The following SPIN1 variants were observed in gnomAD, a reference collection of about 807,000 sequenced individuals.
SPIN1 encodes spindlin 1.
A neutral mutation model predicts 26.0 loss-of-function variants in SPIN1; 3 were observed. The ratio of observed to expected loss-of-function variants is 0.12; its 90% CI spans 0.05 to 0.30. The LOEUF is 0.30. Ranked by LOEUF, SPIN1 falls within the 10% of genes least tolerant of loss-of-function variation. SPIN1 has a pLI of 1.00. For missense variants in SPIN1, 126 were observed against 333.4 expected (o/e 0.38, Z 4.84); for synonymous variants, 101 against 116.5 (o/e 0.87, Z 0.86).
chr9:88,437,366 C>T (rs1828025019), intron 2 of SPIN1, among the ~76,000 whole-genome samples: 1 of 151,922 alleles, frequency 6.6e-6, no homozygotes, highest in African/African-American at 2.4e-5. Flanking sequence ...AGCGTGGTGG[C>T]TCACACCTGT....
intron 4 of SPIN1, among the ~76,000 whole-genome samples, chr9:88,465,246 A>G (rs182755410): frequency 3.9e-5 from 6 of 152,322 alleles, no homozygotes; most frequent in Non-Finnish European, 8.8e-5. Context: ...GGATATGCAG[A>G]TATTTCTTTG....
chr9:88,441,856 A>G (rs1418233328), intron 2 of SPIN1, among the ~76,000 whole-genome samples: 1 of 148,806 alleles, frequency 6.7e-6, no homozygotes, highest in South Asian at 2.1e-4. Flanking sequence ...TTACATATTT[A>G]TTATAATTGT....
intron 1 of SPIN1, among the ~76,000 whole-genome samples, chr9:88,418,097 C>T (rs1189071731): frequency 6.6e-6 from 1 of 152,154 alleles, no homozygotes; most frequent in Non-Finnish European, 1.5e-5. Context: ...AGTAAGCTGG[C>T]ATGATTGATT....
At chr9:88,446,917 A>C (rs115250805) in intron 2 of SPIN1, among the ~76,000 whole-genome samples, 202 of 152,028 alleles carry the variant, frequency 1.3e-3, no homozygotes, top group African/African-American at 4.8e-3. Flanking sequence ...TTTGTTTTTG[A>C]TCTTACTTTG....
chr9:88,411,207 G>C, intron 1 of SPIN1: 1 of 1,218,348 alleles, frequency 8.2e-7, no homozygotes, highest in South Asian at 1.2e-5. Flanking sequence ...GCTCTCTTTG[G>C]TTCCACAAGT....
chr9:88,440,721 C>T (rs557749244), intron 2 of SPIN1, among the ~76,000 whole-genome samples: 10 of 151,544 alleles, frequency 6.6e-5, no homozygotes, highest in Admixed American at 3.9e-4. Context: ...TGGGACTACA[C>T]GATGCACGCC....
At chr9:88,397,212 TTCTG>T (rs953901334) in intron 1 of SPIN1, among the ~76,000 whole-genome samples, 6 of 152,194 alleles carry the variant, frequency 3.9e-5, no homozygotes, top group African/African-American at 1.4e-4. Flanking sequence ...TTTTTAAACT[TTCTG>T]TCTTTTTAAA....
chr9:88,404,097 G>A (rs1005005595), intron 1 of SPIN1, among the ~76,000 whole-genome samples: 3 of 152,162 alleles, frequency 2.0e-5, no homozygotes, highest in Non-Finnish European at 2.9e-5. Flanking sequence ...AAGTAATTAT[G>A]TATGTAAACA....
intron 2 of SPIN1, among the ~76,000 whole-genome samples, chr9:88,431,974 G>A (rs1827881683): frequency 6.6e-6 from 1 of 152,132 alleles, no homozygotes; most frequent in Non-Finnish European, 1.5e-5. Flanking sequence ...CTCAGGTGTT[G>A]CTGCTGTGAG....
At chr9:88,470,371 A>G (rs1323035240) in intron 5 of SPIN1, among the ~76,000 whole-genome samples, 2 of 152,088 alleles carry the variant, frequency 1.3e-5, no homozygotes, top group African/African-American at 4.8e-5. Flanking sequence ...CTCTATGTTT[A>G]ATCGTTTGGG....
At chr9:88,438,437 A>G (rs1322401364) in intron 2 of SPIN1, among the ~76,000 whole-genome samples, 3 of 152,056 alleles carry the variant, frequency 2.0e-5, no homozygotes, top group Non-Finnish European at 4.4e-5. Flanking sequence ...GTATTCTTTT[A>G]AATTTGTGAA....
intron 1 of SPIN1, among the ~76,000 whole-genome samples, chr9:88,416,009 G>T (rs555543975): frequency 1.3e-5 from 2 of 151,802 alleles, no homozygotes; most frequent in South Asian, 2.1e-4. Context: ...GCCCGCCTTG[G>T]CCTTCCAAAG....
intron 1 of SPIN1, among the ~76,000 whole-genome samples, chr9:88,409,479 T>G (rs1258950882): frequency 6.6e-6 from 1 of 152,044 alleles, no homozygotes; most frequent in Non-Finnish European, 1.5e-5. Flanking sequence ...CTCAGGCATC[T>G]TAGGGAATAG....
At chr9:88,463,910 C>CTT (rs1188162164) in intron 4 of SPIN1, among the ~76,000 whole-genome samples, 1 of 152,218 alleles carries the variant, frequency 6.6e-6, no homozygotes, top group African/African-American at 2.4e-5. Flanking sequence ...ATATAAGAAA[C>CTT]TTTAACATAT....
intron 5 of SPIN1, among the ~76,000 whole-genome samples, chr9:88,471,743 T>A (rs1828793043): frequency 6.6e-6 from 1 of 151,910 alleles, no homozygotes. Flanking sequence ...TGCATTAGTT[T>A]GTATGTCTGT....
At chr9:88,405,028 A>G (rs547903359) in intron 1 of SPIN1, among the ~76,000 whole-genome samples, 1 of 150,016 alleles carries the variant, frequency 6.7e-6, no homozygotes, top group African/African-American at 2.5e-5. Flanking sequence ...AATAACACAT[A>G]TGGAGTTGTC....
intron 3 of SPIN1, among the ~76,000 whole-genome samples, chr9:88,452,311 G>A (rs1174567420): frequency 6.6e-6 from 1 of 152,194 alleles, no homozygotes; most frequent in Non-Finnish European, 1.5e-5. Context: ...ATTGAGCTAG[G>A]ACTCAAATAG....
chr9:88,434,548 A>G (rs1827961277), intron 2 of SPIN1, among the ~76,000 whole-genome samples: 1 of 152,146 alleles, frequency 6.6e-6, no homozygotes, highest in South Asian at 2.1e-4. Context: ...TGACAAACTG[A>G]TAACAGTATC....
At chr9:88,397,297 A>T (rs753754297) in intron 1 of SPIN1, among the ~76,000 whole-genome samples, 32 of 152,090 alleles carry the variant, frequency 2.1e-4, no homozygotes, top group Non-Finnish European at 1.9e-4. Context: ...TGTTGACAGA[A>T]ATGTCATTAG....
Sources: gnomAD v4.1 joint callset for allele counts (sites outside exome capture counted in the v4.1 genomes callset) on GRCh38, gnomAD v4.1.1 for gene constraint, MANE v1.5 for transcripts, NCBI Gene and HGNC (gene_info 2026-07-23, HGNC 2026-07-21) for gene names.